Variants in NPHS2 observed in about 807,000 individuals in gnomAD.
NPHS2 encodes NPHS2 stomatin family member, podocin, also known as podocin.
A neutral mutation model predicts 37.1 loss-of-function variants in NPHS2; 36 were observed. That is an observed-to-expected ratio of 0.97 (90% CI 0.74 to 1.28). The LOEUF is 1.28. Among genes scored for constraint, NPHS2 ranks in the 50% most tolerant of loss-of-function variants. The pLI is 0.00. For missense variants in NPHS2, 447 were observed against 488.1 expected (o/e 0.92, Z 0.79); for synonymous variants, 196 against 189.3 (o/e 1.04, Z -0.29).
chr1:179,568,364 A>G (rs1164738145), intron 1 of NPHS2, among the ~76,000 whole-genome samples: 2 of 152,084 alleles, frequency 1.3e-5, no homozygotes, highest in Admixed American at 1.3e-4. Context: ...GTATTCTCTG[A>G]TGGTAGTTTG....
At chr1:179,570,485 G>T (rs994535412) in intron 1 of NPHS2, among the ~76,000 whole-genome samples, 1 of 152,230 alleles carries the variant, frequency 6.6e-6, no homozygotes, top group African/African-American at 2.4e-5. Context: ...GGCACAGATC[G>T]CTCATGCTAT....
chr1:179,575,860 T>C lies in NPHS2; in HGVS notation c.5A>G (p.Glu2Gly). 2 of 1,418,436 alleles carry C rather than the reference T, an allele frequency of 1.4e-6. No individual in the cohort carries two copies. Among genetic ancestry groups the C allele is most frequent in the Non-Finnish European group, 1.8e-6 (2 of 1,094,960 alleles). The allele number at this position is 1,418,436 out of a possible 1,614,324, so 87.9% of individuals were successfully genotyped here. A position where few individuals can be genotyped will look rare whatever the true frequency, so the allele number is the denominator to read the frequency against. Reference protein sequence around the residue: MERRARSSSRES... With the variant: MGRRARSSSRES... ...CCTGGAGGAGCTCCGCGCCCTCCTC[T>C]CCATCCTCAGAGCTGCCGGGCGGCT... The change falls in exon 1 of 8, where the codon GAG becomes GGG. Residue 2 changes from glutamate to glycine, a missense_variant. Transcript: ENST00000367615.
At chr1:179,559,816 G>A in intron 3 of NPHS2, 55 bp from the exon 4 acceptor site, 1 of 1,220,388 alleles carries the variant, frequency 8.2e-7, no homozygotes, top group Non-Finnish European at 1.2e-6. Flanking sequence ...AGGCTGTTTG[G>A]GTTTCACCTT....
chr1:179,567,644 G>A (rs910338580), intron 1 of NPHS2, among the ~76,000 whole-genome samples: 7 of 152,094 alleles, frequency 4.6e-5, no homozygotes, highest in African/African-American at 1.4e-4. Context: ...GTCTTGTGCT[G>A]GTTTTCAAAG....
intron 1 of NPHS2, among the ~76,000 whole-genome samples, chr1:179,575,044 A>G (rs1012154921): frequency 6.6e-5 from 10 of 152,154 alleles, no homozygotes; most frequent in Non-Finnish European, 1.3e-4. Flanking sequence ...GGTCCTTCCT[A>G]TGATCACATG....
In NPHS2 at chr1:179,575,830, G is replaced by T; in HGVS notation, c.35C>A (p.Ser12Tyr). 1 of 1,456,710 alleles carries T rather than the reference G, an allele frequency of 6.9e-7. No homozygotes were observed. Among genetic ancestry groups the T allele is most frequent in the Admixed American group, 2.8e-5 (1 of 35,460 alleles). The allele number at this position is 1,456,710 out of a possible 1,614,324, so 90.2% of individuals were successfully genotyped here. The change falls in exon 1 of 8, where the codon TCC (serine) becomes TAC (tyrosine). Residue 12 changes from serine to tyrosine, a missense_variant. Ser to Tyr is a moderately radical substitution (Grantham distance 144). Transcript: ENST00000367615. ...CGGAGTCCTGCCGCCTCGCCCGCGG[G>T]ACTCCCTGGAGGAGCTCCGCGCCCT... ...ERRARSSSRE[S>Y]RGRGGRTPHK...
chr1:179,557,831 GAGAT>G (rs1010438583), intron 4 of NPHS2, among the ~76,000 whole-genome samples: 5 of 152,094 alleles, frequency 3.3e-5, no homozygotes, highest in African/African-American at 1.2e-4. Flanking sequence ...TTAAAATAAA[GAGAT>G]AGAAGCATTT....
intron 1 of NPHS2, among the ~76,000 whole-genome samples, chr1:179,567,466 G>A (rs970166416): frequency 2.0e-5 from 3 of 152,148 alleles, no homozygotes; most frequent in African/African-American, 4.8e-5. Context: ...GAGATTTTGG[G>A]CTGAGATGAT....
chr1:179,569,417 A>AT (rs1674466339), intron 1 of NPHS2, among the ~76,000 whole-genome samples: 2 of 151,848 alleles, frequency 1.3e-5, no homozygotes, highest in Non-Finnish European at 2.9e-5. Flanking sequence ...CCATTCCTTT[A>AT]TTTTGAGCCT....
intron 1 of NPHS2, among the ~76,000 whole-genome samples, chr1:179,565,712 C>A (rs1027432410): frequency 3.3e-5 from 5 of 151,650 alleles, no homozygotes; most frequent in Non-Finnish European, 7.4e-5. Context: ...CTAATGCTAT[C>A]CCTCCCCCAG....
chr1:179,574,425 G>A (rs570483937), intron 1 of NPHS2, among the ~76,000 whole-genome samples: 2 of 152,270 alleles, frequency 1.3e-5, no homozygotes, highest in African/African-American at 2.4e-5. Flanking sequence ...GCATATAGTA[G>A]GGGTTTCATA....
rs969845756 is a variant in NPHS2, at chr1:179,571,135, A to G, written c.274+4456T>C. On this transcript the variant is annotated intron_variant, in intron 1 of 7. Coordinates refer to ENST00000367615, the MANE Select transcript of NPHS2 (RefSeq NM_014625.4). ...GCAAGGAGCTGCAACCTTTTGGTTTAGAAGAGGCGCTCTGATTTTTAGAAT... is the reference window on the plus strand; with the variant it reads ...GCAAGGAGCTGCAACCTTTTGGTTTGGAAGAGGCGCTCTGATTTTTAGAAT... Among the ~76,000 whole-genome samples, 3 of 152,166 alleles carry G rather than the reference A, an allele frequency of 2.0e-5. No individual in the cohort carries two copies. The South Asian group carries it at 6.2e-4, about 32-fold the overall frequency.
At position 179,551,289 on chromosome 1, in the gene NPHS2, G is replaced by A; in HGVS notation, c.1036C>T (p.Leu346=). The change falls in exon 8 of 8, where the codon CTA becomes TTA. Residue 346 remains leucine, a synonymous_variant. Coordinates refer to ENST00000367615, the MANE Select transcript of NPHS2 (RefSeq NM_014625.4). ...STVVLPLPFD[L]LNCLSSPSNR... is the part of the protein sequence containing the mutation. The stretch of plus-strand genomic sequence containing the variant: ...CTGGGAGAAGACAGGCAATTCAGTA[G>A]GTCAAATGGCAAAGGTAAAACCACA... The A allele has an allele frequency of 6.2e-7, 1 of 1,614,110 alleles. No individual in the cohort carries two copies. The highest frequency in any genetic ancestry group is 8.5e-7 in the Non-Finnish European group (1 of 1,180,014).
intron 2 of NPHS2, 61 bp from the exon 3 acceptor site, chr1:179,561,422 T>G: frequency 8.7e-6 from 11 of 1,265,796 alleles, no homozygotes; most frequent in Non-Finnish European, 1.3e-5. Flanking sequence ...CAAAAGGCCT[T>G]GGCATAAGAA....
rs117123478 is a variant in NPHS2, at chr1:179,560,660, T to G, written c.451+629A>C. Among the ~76,000 whole-genome samples, 1,070 of 152,282 alleles carry G rather than the reference T, an allele frequency of 7.0e-3. 29 individuals carry two copies. The highest frequency in any genetic ancestry group is 0.055 in the Admixed American group (845 of 15,290). Reference sequence around the variant, plus strand: ...TAATATACACATGGGACTTTGCTCCTCATGCCTTCCTGGCTGACTTAGATC... The same window carrying G: ...TAATATACACATGGGACTTTGCTCCGCATGCCTTCCTGGCTGACTTAGATC... On this transcript the variant is annotated intron_variant, in intron 3 of 7. Coordinates refer to ENST00000367615, the MANE Select transcript of NPHS2 (RefSeq NM_014625.4).
chr1:179,550,973 C>T lies in NPHS2; in HGVS notation c.*200G>A, dbSNP rs2274623. On this transcript the variant is annotated 3_prime_UTR_variant, in exon 8 of 8. Transcript: ENST00000367615. ...ATAATTGCTCTGACTAGATGAGTCA[C>T]GGAAACATGTTGTCTGCCTTCTCTG... 130,408 of 652,868 alleles carry T rather than the reference C, an allele frequency of 0.2. 14,479 individuals carry two copies. Among genetic ancestry groups the T allele is most frequent in the East Asian group, 0.35 (12,645 of 35,874 alleles). The allele number at this position is 652,868 out of a possible 1,614,324, so 40.4% of individuals were successfully genotyped here. A position where few individuals can be genotyped will look rare whatever the true frequency, so the allele number is the denominator to read the frequency against.
intron 1 of NPHS2, among the ~76,000 whole-genome samples, chr1:179,572,796 C>T (rs985379534): frequency 1.3e-5 from 2 of 150,454 alleles, no homozygotes; most frequent in South Asian, 4.2e-4. Context: ...CCTTCCCTCC[C>T]TCCTTCCCTT....
chr1:179,570,437 G>C (rs1393588233), intron 1 of NPHS2, among the ~76,000 whole-genome samples: 2 of 152,220 alleles, frequency 1.3e-5, no homozygotes, highest in African/African-American at 4.8e-5. Flanking sequence ...GAAAGGAATA[G>C]GTTGGGCTAG....
rs1299324352 is a variant in NPHS2 at position 179,557,063 on chromosome 1, A to G, written c.702T>C (p.Ile234=). The G allele has an allele frequency of 6.2e-7, 1 of 1,614,000 alleles. No individual in the cohort carries two copies. Among genetic ancestry groups the G allele is most frequent in the East Asian group, 2.2e-5 (1 of 44,882 alleles). The change falls in exon 5 of 8, where the codon ATT becomes ATC. Residue 234 remains isoleucine (I), a synonymous_variant. Coordinates refer to ENST00000367615, the MANE Select transcript of NPHS2 (RefSeq NM_014625.4). ...GGGCGATGCTCTTCCTCTCTAGAAG[A>G]ATTTCAGTGAGGGATCGATGTGCTA... ...RLLAHRSLTE[I]LLERKSIAQD...
Sources: gnomAD v4.1 joint callset for allele counts (sites outside exome capture counted in the v4.1 genomes callset) on GRCh38, gnomAD v4.1.1 for gene constraint, MANE v1.5 for transcripts, NCBI Gene and HGNC (gene_info 2026-07-23, HGNC 2026-07-21) for gene names.